IL17RD: variants seen among roughly 807,000 people sequenced by gnomAD.
IL17RD encodes the protein interleukin 17 receptor D.
IL17RD carries 52 observed loss-of-function variants against 80.5 expected under a neutral mutation model. The ratio of observed to expected loss-of-function variants is 0.65; its 90% confidence interval spans 0.52 to 0.81. The LOEUF (loss-of-function observed/expected upper bound fraction) is 0.81, where lower values mean the gene tolerates loss of function less well. IL17RD is among the 40% of genes least tolerant of loss of function. IL17RD has a pLI of 0.00. For synonymous variants in IL17RD, 416 were observed against 391.8 expected (o/e 1.06, Z -0.73); for missense variants, 1,024 against 955.1 (o/e 1.07, Z -0.95).
intron 1 of IL17RD, among the ~76,000 whole-genome samples, chr3:57,126,083 T>G (rs1182427646): frequency 6.6e-6 from 1 of 152,208 alleles, no homozygotes; most frequent in Non-Finnish European, 1.5e-5. Flanking sequence ...AATCCCAAGC[T>G]TTTAGCTACT....
At chr3:57,127,245 T>A (rs185612843) in intron 1 of IL17RD, among the ~76,000 whole-genome samples, 4,306 of 86,104 alleles carry the variant, frequency 0.05, 503 homozygotes, top group East Asian at 0.21. Flanking sequence ...TATATAAATA[T>A]ATATATAAAT....
chr3:57,106,533 C>G (rs1706969821), intron 5 of IL17RD, among the ~76,000 whole-genome samples: 1 of 152,198 alleles, frequency 6.6e-6, no homozygotes, highest in African/African-American at 2.4e-5. Flanking sequence ...CCCTACCCCA[C>G]TGTGGAGATG....
At chr3:57,110,035 G>T (rs546693141) in intron 4 of IL17RD, among the ~76,000 whole-genome samples, 158 bp downstream of exon 4, 1 of 144,408 alleles carries the variant, frequency 6.9e-6, no homozygotes, top group African/African-American at 2.9e-5. Context: ...CTGGGAGCGT[G>T]GAGCAGGCTC....
At chr3:57,141,041 G>A (rs886378301) in intron 1 of IL17RD, among the ~76,000 whole-genome samples, 11 of 151,978 alleles carry the variant, frequency 7.2e-5, no homozygotes, top group South Asian at 2.1e-4. Flanking sequence ...AACTACAGGC[G>A]TGTACCATCA....
At chr3:57,111,009 C>G (rs1707084982) in intron 3 of IL17RD, among the ~76,000 whole-genome samples, 1 of 152,234 alleles carries the variant, frequency 6.6e-6, no homozygotes, top group South Asian at 2.1e-4. Context: ...CCCCCCACTG[C>G]ACGTCCGACT....
chr3:57,146,014 C>A (rs971281867), intron 1 of IL17RD, among the ~76,000 whole-genome samples: 1 of 147,408 alleles, frequency 6.8e-6, no homozygotes, highest in Non-Finnish European at 1.5e-5. Context: ...GGAAAGCGTG[C>A]GCGCACACAC....
upstream of IL17RD, among the ~76,000 whole-genome samples, chr3:57,166,954 T>C (rs2060351239): frequency 6.6e-6 from 1 of 152,178 alleles, no homozygotes; most frequent in African/African-American, 2.4e-5. Flanking sequence ...CACACGTCCT[T>C]GGAGGGCTTA....
In IL17RD at chr3:57,091,380, T is replaced by A. The variant is rs1385341229; in HGVS notation, c.*5013A>T. The A allele has an allele frequency of 3.3e-5, 5 of 152,648 alleles. No individual in the cohort carries two copies. In the East Asian group the frequency reaches 9.7e-4, roughly 30 times the overall value. 9.5% of individuals were successfully genotyped at this position (152,648 alleles called of 1,614,324 possible). A position where few individuals can be genotyped will look rare whatever the true frequency, so the allele number is the denominator to read the frequency against. The stretch of plus-strand genomic sequence containing the variant: ...TCAAATAATTCTCAATGAATATAGG[T>A]GACATATCATTTTGTGAAAGTGCCA... On this transcript the variant is annotated 3_prime_UTR_variant, in exon 13 of 13. Transcript: ENST00000296318.
In IL17RD at chr3:57,155,543, C is replaced by T. The variant is rs2060261398; in HGVS notation, c.126+9618G>A. Among the ~76,000 whole-genome samples, 4 of 152,236 alleles carry T rather than the reference C, an allele frequency of 2.6e-5. No individual in the cohort carries two copies. The South Asian group carries it at 6.2e-4, about 24-fold the overall frequency. On this transcript the variant is annotated intron_variant, in intron 1 of 12. Coordinates refer to ENST00000296318, the MANE Select transcript of IL17RD (RefSeq NM_017563.5). ...TTAAGCATATTTTTTATGCTACTCTCAGCACTAACTGCCACATGATTAGCC... is the reference window on the plus strand; with the variant it reads ...TTAAGCATATTTTTTATGCTACTCTTAGCACTAACTGCCACATGATTAGCC...
intron 3 of IL17RD, among the ~76,000 whole-genome samples, chr3:57,110,960 C>T (rs921229438): frequency 1.4e-4 from 21 of 152,216 alleles, no homozygotes; most frequent in African/African-American, 4.3e-4. Context: ...CCCACAGCGC[C>T]GCTGAAAGAC....
chr3:57,135,667 A>C (rs1248551192), intron 1 of IL17RD, among the ~76,000 whole-genome samples: 1 of 152,194 alleles, frequency 6.6e-6, no homozygotes, highest in African/African-American at 2.4e-5. Flanking sequence ...CAGTTAATGC[A>C]GTTCCTTCTG....
At chr3:57,111,700 G>A (rs1361146770) in intron 3 of IL17RD, among the ~76,000 whole-genome samples, 7 of 152,114 alleles carry the variant, frequency 4.6e-5, no homozygotes, top group Non-Finnish European at 2.9e-5. Context: ...GCCGGGCGCG[G>A]TGACTCACGC....
chr3:57,102,470 A>G lies in IL17RD; in HGVS notation c.979+9T>C, dbSNP rs994682307. 3 of 1,493,398 alleles carry G rather than the reference A, an allele frequency of 2.0e-6. No homozygotes were observed. Among genetic ancestry groups the G allele is most frequent in the Non-Finnish European group, 2.8e-6 (3 of 1,088,554 alleles). The allele number at this position is 1,493,398 out of a possible 1,614,324, so 92.5% of individuals were successfully genotyped here. A position where few individuals can be genotyped will look rare whatever the true frequency, so the allele number is the denominator to read the frequency against. On this transcript the variant is annotated intron_variant, in intron 10 of 12. Coordinates refer to ENST00000296318, the MANE Select transcript of IL17RD (RefSeq NM_017563.5). ...TTGTTGTGGGGAGACACAGCACACA[A>G]AGAGATACCTTGTTGCTTCTTGCGG... is the stretch of plus-strand genomic sequence containing the variant.
intron 1 of IL17RD, chr3:57,142,606 C>G (rs868230119): frequency 3.0e-6 from 2 of 674,116 alleles, no homozygotes; most frequent in African/African-American, 1.9e-5. Flanking sequence ...CCAACCTGAG[C>G]CTCAGGAACT....
upstream of IL17RD, chr3:57,169,194 C>T: frequency 2.0e-6 from 1 of 511,784 alleles, no homozygotes; most frequent in Non-Finnish European, 3.9e-6. Flanking sequence ...AGAAGATGAG[C>T]TAGGGAAACC....
At position 57,098,319 on chromosome 3, in the gene IL17RD, G is replaced by T. The variant is rs775773650; in HGVS notation, c.1384C>A (p.Arg462Ser). 1.2e-6 allele frequency: 2 copies of T among 1,613,960 alleles called. No individual in the cohort carries two copies. Among genetic ancestry groups the T allele is most frequent in the Non-Finnish European group, 8.5e-7 (1 of 1,179,884 alleles). Residue 462 changes from arginine (R) to serine (S), a missense_variant, in exon 12 of 13, where the codon CGC becomes AGC. By Grantham distance (110) the Arg-to-Ser change is moderately radical. Coordinates refer to ENST00000296318, the MANE Select transcript of IL17RD (RefSeq NM_017563.5). ...GCGGACGAACTCTGCTTGGCCTGGC[G>T]GAGCTTTTCGGCAATGGCTGACACC... is the stretch of plus-strand genomic sequence containing the variant. ...VAVSAIAEKLRQAKQSSSAAL... is the reference protein window; with the variant it reads ...VAVSAIAEKLSQAKQSSSAAL...
rs1706652551 is a variant in IL17RD, at chr3:57,095,546, CTGGGT to C, written c.*842_*846del. The C allele has an allele frequency of 6.6e-6, 1 of 152,208 alleles. No individual in the cohort carries two copies. Among genetic ancestry groups the C allele is most frequent in the South Asian group, 2.1e-4 (1 of 4,830 alleles). 9.4% of individuals were successfully genotyped at this position (152,208 alleles called of 1,614,324 possible). A position where few individuals can be genotyped will look rare whatever the true frequency, so the allele number is the denominator to read the frequency against. Reference sequence around the variant, plus strand: ...TGCAACTTCCAATAATACAGACCAGCTGGGTAGCAGTCTCTTAAGAATAAACTTCC... The same window carrying C: ...TGCAACTTCCAATAATACAGACCAGCAGCAGTCTCTTAAGAATAAACTTCC... On this transcript the variant is annotated 3_prime_UTR_variant, in exon 13 of 13. Coordinates refer to ENST00000296318, the MANE Select transcript of IL17RD (RefSeq NM_017563.5).
chr3:57,123,992 C>T (rs1379147038), intron 1 of IL17RD, among the ~76,000 whole-genome samples: 1 of 152,158 alleles, frequency 6.6e-6, no homozygotes, highest in African/African-American at 2.4e-5. Flanking sequence ...TTGCAGTGAG[C>T]CGAGATCGCG....
intron 1 of IL17RD, among the ~76,000 whole-genome samples, chr3:57,156,754 T>C (rs184365779): frequency 4.6e-4 from 70 of 152,168 alleles, no homozygotes; most frequent in Admixed American, 1.2e-3. Flanking sequence ...TGTTATCTAG[T>C]ACCTATATCT....
Sources: allele counts gnomAD v4.1 joint callset (sites outside exome capture counted in the v4.1 genomes callset), GRCh38; gene constraint gnomAD v4.1.1; transcripts MANE v1.5; gene names NCBI Gene and HGNC (gene_info 2026-07-23, HGNC 2026-07-21).